The following SLC13A3 variants were observed in gnomAD, a reference collection of about 807,000 sequenced individuals.
The protein encoded by SLC13A3 is solute carrier family 13 member 3.
SLC13A3 carries 40 observed loss-of-function variants against 59.0 expected under a neutral mutation model. That is an observed-to-expected ratio of 0.68 (90% CI 0.53 to 0.88). SLC13A3 has a LOEUF of 0.88. SLC13A3 is among the 40% of genes least tolerant of loss of function. The pLI is 0.00. For missense variants in SLC13A3, 699 were observed against 783.2 expected, an observed-to-expected ratio of 0.89 and a Z score of 1.28; for synonymous variants, 317 against 330.3, an observed-to-expected ratio of 0.96 and a Z score of 0.44.
intron 9 of SLC13A3, among the ~76,000 whole-genome samples, chr20:46,579,385 A>G (rs1262065184): frequency 1.3e-5 from 2 of 152,254 alleles, no homozygotes; most frequent in East Asian, 3.9e-4. Context: ...TCAGCCTTCC[A>G]AAGTACTGGG....
chr20:46,616,954 G>A (rs2062562106), intron 1 of SLC13A3, among the ~76,000 whole-genome samples: 1 of 152,164 alleles, frequency 6.6e-6, no homozygotes, highest in Non-Finnish European at 1.5e-5. Context: ...TTGGCTCCTG[G>A]TACAAAAGCA....
intron 1 of SLC13A3, among the ~76,000 whole-genome samples, chr20:46,644,163 C>T (rs6017959): frequency 0.039 from 5,911 of 152,288 alleles, 351 homozygotes; most frequent in African/African-American, 0.13. Context: ...GGAAAATTCA[C>T]TTCCTTTTCT....
chr20:46,583,403 C>T, intron 9 of SLC13A3, 169 bp downstream of exon 9: 3 of 1,412,712 alleles, frequency 2.1e-6, no homozygotes, highest in Non-Finnish European at 2.8e-6. Context: ...CCTGGACTAC[C>T]ACCTGGGGCA....
intron 1 of SLC13A3, among the ~76,000 whole-genome samples, chr20:46,649,913 C>T (rs1018831654): frequency 2.6e-5 from 4 of 152,196 alleles, no homozygotes; most frequent in South Asian, 4.1e-4. Flanking sequence ...ACTCCATGTG[C>T]CCAAGGAGGG....
At chr20:46,594,031 TTC>T (rs1450140054) in intron 5 of SLC13A3, among the ~76,000 whole-genome samples, 29 of 152,160 alleles carry the variant, frequency 1.9e-4, no homozygotes, top group Non-Finnish European at 4.4e-5. Context: ...GGGCAATCAC[TTC>T]TCCTCTCCCC....
intron 9 of SLC13A3, among the ~76,000 whole-genome samples, chr20:46,578,471 T>C (rs1349444021): frequency 2.0e-5 from 3 of 150,912 alleles, no homozygotes; most frequent in Non-Finnish European, 4.4e-5. Context: ...AGGTCAGGAG[T>C]TCAAGATCAG....
At chr20:46,582,505 A>T in intron 9 of SLC13A3, 1 of 328,304 alleles carries the variant, frequency 3.0e-6, no homozygotes, top group Non-Finnish European at 4.3e-6. Context: ...TGGGAGTCTG[A>T]GGTGGGAGGT....
chr20:46,667,837 T>C (rs1277904226), intron 1 of SLC13A3, among the ~76,000 whole-genome samples: 1 of 152,246 alleles, frequency 6.6e-6, no homozygotes, highest in African/African-American at 2.4e-5. Flanking sequence ...CAGCATGTGC[T>C]CACTTCATGT....
rs377100902 is a variant in SLC13A3, at chr20:46,583,546, C to T, written c.1219+26G>A. On this transcript the variant is annotated intron_variant, in intron 9 of 12. Transcript: ENST00000279027. ...ATGCCGCAGTCCTCACTGAGCCCAC[C>T]GAGACCCCAGCCTTGACCACCTTAC... 15 of 1,611,580 alleles carry T rather than the reference C, an allele frequency of 9.3e-6. No homozygotes were observed. In the Admixed American group the frequency reaches 1.0e-4, roughly 11 times the overall value.
At chr20:46,616,400 TC>T (rs2062554798) in intron 1 of SLC13A3, among the ~76,000 whole-genome samples, 1 of 151,952 alleles carries the variant, frequency 6.6e-6, no homozygotes, top group African/African-American at 2.4e-5. Context: ...CCCCTAAACC[TC>T]CCCGATTTGG....
At chr20:46,564,629 C>T (rs2061964090) in intron 11 of SLC13A3, among the ~76,000 whole-genome samples, 1 of 152,138 alleles carries the variant, frequency 6.6e-6, no homozygotes, top group East Asian at 1.9e-4. Flanking sequence ...AGGACTCCCA[C>T]CCCATACTGC....
chr20:46,607,006 C>G (rs1316416017), intron 3 of SLC13A3, among the ~76,000 whole-genome samples: 1 of 152,222 alleles, frequency 6.6e-6, no homozygotes, highest in African/African-American at 2.4e-5. Context: ...GATAGCCCCA[C>G]CCTGCCCTAG....
chr20:46,631,260 C>CT (rs1207846021), intron 1 of SLC13A3, among the ~76,000 whole-genome samples: 2 of 152,120 alleles, frequency 1.3e-5, no homozygotes, highest in African/African-American at 4.8e-5. Context: ...GAACAGCCCC[C>CT]TACAATAAAG....
intron 1 of SLC13A3, among the ~76,000 whole-genome samples, chr20:46,681,185 A>C (rs1171404889): frequency 6.6e-6 from 1 of 152,226 alleles, no homozygotes. Flanking sequence ...CTAAGTACCC[A>C]GTGAAGGAGT....
intron 9 of SLC13A3, chr20:46,582,905 T>C: frequency 1.0e-6 from 1 of 985,330 alleles, no homozygotes; most frequent in Non-Finnish European, 1.2e-6. Flanking sequence ...AAGGCCACAG[T>C]CTACAACATT....
At chr20:46,625,753 A>G (rs2062661992) in intron 1 of SLC13A3, among the ~76,000 whole-genome samples, 1 of 152,190 alleles carries the variant, frequency 6.6e-6, no homozygotes, top group Non-Finnish European at 1.5e-5. Flanking sequence ...AATTTTACCA[A>G]CAAGAATGAG....
chr20:46,563,636 GTT>G, intron 11 of SLC13A3, 85 bp from the exon 12 acceptor site: 24 of 1,426,860 alleles, frequency 1.7e-5, no homozygotes, highest in East Asian at 2.4e-5. Context: ...GAGAGAGGCA[GTT>G]GGAAAGAGGG....
At chr20:46,638,442 G>C (rs578008232) in intron 1 of SLC13A3, among the ~76,000 whole-genome samples, 1 of 152,352 alleles carries the variant, frequency 6.6e-6, no homozygotes, top group South Asian at 2.1e-4. Flanking sequence ...GGGCGGCGGC[G>C]AACAAGGGCC....
chr20:46,574,948 A>AT (rs1422688841), intron 10 of SLC13A3, among the ~76,000 whole-genome samples: 40 of 150,354 alleles, frequency 2.7e-4, no homozygotes, highest in African/African-American at 8.8e-4. Context: ...CACCTGGCTA[A>AT]TTTTTTTAAC....
Sources: gnomAD v4.1 joint callset for allele counts (sites outside exome capture counted in the v4.1 genomes callset) on GRCh38, gnomAD v4.1.1 for gene constraint, MANE v1.5 for transcripts, NCBI Gene and HGNC (gene_info 2026-07-23, HGNC 2026-07-21) for gene names.